The following SAMD5 variants were observed in gnomAD, a reference collection of about 807,000 sequenced individuals.
SAMD5 encodes the protein sterile alpha motif domain-containing protein 5.
A neutral mutation model predicts 11.3 loss-of-function variants in SAMD5; 13 were observed. That is an observed-to-expected ratio of 1.15 (90% CI 0.75 to 1.83). The LOEUF (loss-of-function observed/expected upper bound fraction) is 1.83. Ranked by LOEUF, SAMD5 falls within the 40% of genes most tolerant of loss-of-function variation. The probability of loss-of-function intolerance (pLI) is 0.00; values close to 1 mark genes in which losing one functional copy is unlikely to be tolerated. For synonymous variants in SAMD5, 129 were observed against 111.3 expected (o/e 1.16, Z -1.00); for missense variants, 255 against 239.1 (o/e 1.07, Z -0.44).
intron 1 of SAMD5, among the ~76,000 whole-genome samples, chr6:147,550,970 G>A (rs558877733): frequency 3.7e-4 from 57 of 152,048 alleles, no homozygotes; most frequent in African/African-American, 1.2e-3. Flanking sequence ...ACAGATTTTC[G>A]TTGTGAGGCA....
intron 1 of SAMD5, among the ~76,000 whole-genome samples, chr6:147,664,080 G>T (rs1298384587): frequency 6.6e-6 from 1 of 152,056 alleles, no homozygotes; most frequent in African/African-American, 2.4e-5. Flanking sequence ...CAATTTCTCA[G>T]CAGTATTGTC....
chr6:147,818,149 G>A, the SAMD5 span, among the ~76,000 whole-genome samples: 3 of 151,786 alleles, frequency 2.0e-5, no homozygotes, highest in African/African-American at 4.8e-5. Context: ...TCAATGGAAC[G>A]AACTAAACCA....
chr6:147,825,169 A>C, the SAMD5 span, among the ~76,000 whole-genome samples: 5 of 152,030 alleles, frequency 3.3e-5, no homozygotes, highest in African/African-American at 1.2e-4. Context: ...GTGGTGGTGC[A>C]TGCCTGTAAT....
the SAMD5 span, among the ~76,000 whole-genome samples, chr6:147,806,958 C>T: frequency 6.6e-6 from 1 of 152,040 alleles, no homozygotes; most frequent in African/African-American, 2.4e-5. Context: ...GAGAAGGTGG[C>T]CATCTGCAGG....
At chr6:147,597,951 C>A (rs2204299) in intron 1 of SAMD5, among the ~76,000 whole-genome samples, 43,005 of 152,036 alleles carry the variant, frequency 0.28, 7,227 homozygotes, top group South Asian at 0.37. Context: ...CCCAGCCCTG[C>A]ACAGCTGCTC....
At chr6:147,559,278 T>C (rs1788909171) in intron 1 of SAMD5, among the ~76,000 whole-genome samples, 1 of 152,184 alleles carries the variant, frequency 6.6e-6, no homozygotes. Flanking sequence ...CAAAGTACTT[T>C]TAAGAAAGTA....
chr6:147,892,601 C>G, the SAMD5 span, among the ~76,000 whole-genome samples: 1 of 152,078 alleles, frequency 6.6e-6, no homozygotes, highest in Non-Finnish European at 1.5e-5. Flanking sequence ...ACATCTTTTC[C>G]CCATCTCTCA....
chr6:147,621,561 G>A (rs1385830453), intron 1 of SAMD5, among the ~76,000 whole-genome samples: 2 of 152,210 alleles, frequency 1.3e-5, no homozygotes, highest in Non-Finnish European at 2.9e-5. Flanking sequence ...TGATTGGCCT[G>A]AGCCTGTCAA....
intron 1 of SAMD5, among the ~76,000 whole-genome samples, chr6:147,719,290 T>A (rs570406044): frequency 6.6e-6 from 1 of 152,320 alleles, no homozygotes; most frequent in Non-Finnish European, 1.5e-5. Context: ...CTTCTTTTTT[T>A]TCTTGCTACT....
At position 147,569,377 on chromosome 6, in the gene SAMD5, G is replaced by A. The variant is rs1789100513; in HGVS notation, c.*4921G>A. 8 of 942,568 alleles carry A rather than the reference G, an allele frequency of 8.5e-6. No individual in the cohort carries two copies. The South Asian group carries it at 3.9e-4, about 46-fold the overall frequency. The allele number at this position is 942,568 out of a possible 1,614,324, so 58.4% of individuals were successfully genotyped here. A position where few individuals can be genotyped will look rare whatever the true frequency, so the allele number is the denominator to read the frequency against. On this transcript the variant is annotated 3_prime_UTR_variant, in exon 2 of 2. Coordinates refer to ENST00000367474, the MANE Select transcript of SAMD5 (RefSeq NM_001030060.3). ...GATACCTTTTCAGAGGAAAACAAGA[G>A]GCTAAATTCCATGTTAAGAGCTAAG...
At chr6:147,641,700 A>G (rs1262795059) in intron 1 of SAMD5, among the ~76,000 whole-genome samples, 5 of 151,954 alleles carry the variant, frequency 3.3e-5, no homozygotes, top group Admixed American at 6.6e-5. Context: ...AGTTATGTAC[A>G]TGGTTAACAT....
intron 1 of SAMD5, among the ~76,000 whole-genome samples, chr6:147,560,456 A>G (rs114006792): frequency 0.01 from 1,567 of 152,304 alleles, 22 homozygotes; most frequent in African/African-American, 0.033. Flanking sequence ...CAAATTTCAT[A>G]CTATTAATAT....
chr6:147,738,474 T>A (rs1370342270), downstream of SAMD5, among the ~76,000 whole-genome samples: 2 of 152,184 alleles, frequency 1.3e-5, no homozygotes, highest in East Asian at 3.8e-4. Context: ...AGTTTCAAAG[T>A]ATGTTTCAAG....
At chr6:147,884,652 CCTT>C in the SAMD5 span, among the ~76,000 whole-genome samples, 99,847 of 151,644 alleles carry the variant, frequency 0.66, 33,354 homozygotes, top group African/African-American at 0.78. Context: ...AAACTTTCAA[CCTT>C]CTTATGTTTA....
intron 1 of SAMD5, among the ~76,000 whole-genome samples, chr6:147,637,733 A>G (rs1412647655): frequency 6.6e-6 from 1 of 152,220 alleles, no homozygotes; most frequent in Non-Finnish European, 1.5e-5. Flanking sequence ...TGATGGGGAC[A>G]TGAGGACTTA....
At chr6:147,746,835 G>A in the SAMD5 span, among the ~76,000 whole-genome samples, 5 of 152,180 alleles carry the variant, frequency 3.3e-5, no homozygotes, top group Non-Finnish European at 5.9e-5. Context: ...GTCACTAGGC[G>A]GCAGCCTGGA....
chr6:147,937,279 G>A, the SAMD5 span, among the ~76,000 whole-genome samples: 1 of 152,144 alleles, frequency 6.6e-6, no homozygotes, highest in Admixed American at 6.5e-5. Context: ...TGTTCTTGTT[G>A]ACTAAGAGAT....
chr6:147,929,713 T>C, the SAMD5 span, among the ~76,000 whole-genome samples: 1 of 152,206 alleles, frequency 6.6e-6, no homozygotes, highest in African/African-American at 2.4e-5. Context: ...ACTTATATTC[T>C]GCTACTGGAT....
chr6:147,892,976 G>C, the SAMD5 span, among the ~76,000 whole-genome samples: 1 of 152,154 alleles, frequency 6.6e-6, no homozygotes, highest in Non-Finnish European at 1.5e-5. Flanking sequence ...ACTTTTGAAG[G>C]CTGAGGTGGG....
Sources: allele counts gnomAD v4.1 joint callset (sites outside exome capture counted in the v4.1 genomes callset), GRCh38; gene constraint gnomAD v4.1.1; transcripts MANE v1.5; gene names NCBI Gene and HGNC (gene_info 2026-07-23, HGNC 2026-07-21).